Variants in EMB observed in about 807,000 individuals in gnomAD.
EMB encodes the protein embigin.
EMB carries 31 observed loss-of-function variants against 41.4 expected under a neutral mutation model. The observed-to-expected ratio is 0.75, with a 90% confidence interval of 0.56 to 1.01. The LOEUF is 1.01. EMB is among the 50% of genes least tolerant of loss of function. The probability of loss-of-function intolerance (pLI) is 0.00; values close to 1 mark genes in which losing one functional copy is unlikely to be tolerated. For synonymous variants in EMB, 137 were observed against 140.4 expected (o/e 0.98, Z 0.17); for missense variants, 379 against 388.3 (o/e 0.98, Z 0.20).
At chr5:50,422,744 G>A (rs1029815563) in intron 2 of EMB, among the ~76,000 whole-genome samples, 12 of 152,040 alleles carry the variant, frequency 7.9e-5, no homozygotes, top group African/African-American at 1.7e-4. Context: ...AAAAATATTC[G>A]CAACTTCTAT....
chr5:50,404,845 G>T (rs2111776457), intron 5 of EMB, among the ~76,000 whole-genome samples: 1 of 152,044 alleles, frequency 6.6e-6, no homozygotes, highest in Middle Eastern at 3.4e-3. Flanking sequence ...TGTTAGCACA[G>T]AATAAGTCAC....
intron 1 of EMB, among the ~76,000 whole-genome samples, chr5:50,431,246 T>C (rs895988717): frequency 5.3e-5 from 8 of 152,158 alleles, no homozygotes; most frequent in Non-Finnish European, 1.0e-4. Context: ...AGAAATGCCT[T>C]AAGTGGAAAA....
At chr5:50,419,236 T>C (rs1370961261) in intron 2 of EMB, among the ~76,000 whole-genome samples, 2 of 152,150 alleles carry the variant, frequency 1.3e-5, no homozygotes, top group African/African-American at 4.8e-5. Context: ...CCATCTCTTC[T>C]ACATTTACAA....
intron 2 of EMB, among the ~76,000 whole-genome samples, chr5:50,423,778 G>A (rs1443502759): frequency 6.6e-6 from 1 of 152,158 alleles, no homozygotes; most frequent in Non-Finnish European, 1.5e-5. Flanking sequence ...CTGTGTTGAG[G>A]ACAGGCCCAC....
At chr5:50,422,856 C>G (rs886774831) in intron 2 of EMB, among the ~76,000 whole-genome samples, 10 of 152,032 alleles carry the variant, frequency 6.6e-5, no homozygotes, top group African/African-American at 2.4e-4. Flanking sequence ...AAGGGGCCAA[C>G]TGTCAAGATG....
chr5:50,433,069 C>T (rs1745747933), intron 1 of EMB, among the ~76,000 whole-genome samples: 1 of 151,666 alleles, frequency 6.6e-6, no homozygotes, highest in African/African-American at 2.4e-5. Context: ...CAGAGTGAGA[C>T]TCTGTCTCCA....
chr5:50,417,947 ACT>A (rs563140888), intron 2 of EMB, among the ~76,000 whole-genome samples: 44 of 152,202 alleles, frequency 2.9e-4, no homozygotes, highest in Non-Finnish European at 6.0e-4. Context: ...CCTATCAGTC[ACT>A]GTTTTCCTCC....
At chr5:50,434,212 A>G (rs1455478331) in intron 1 of EMB, among the ~76,000 whole-genome samples, 1 of 152,222 alleles carries the variant, frequency 6.6e-6, no homozygotes, top group Non-Finnish European at 1.5e-5. Context: ...TAAACATTTT[A>G]GGATAACAGC....
At chr5:50,411,408 T>G (rs1399778219) in intron 2 of EMB, 25 bp from the exon 3 acceptor site, 1 of 1,513,656 alleles carries the variant, frequency 6.6e-7, no homozygotes, top group Non-Finnish European at 8.9e-7. Flanking sequence ...GAGGACAAAA[T>G]GTGAAAGTTA....
At chr5:50,400,426 G>A (rs182808160) in intron 7 of EMB, among the ~76,000 whole-genome samples, 2 of 151,992 alleles carry the variant, frequency 1.3e-5, no homozygotes, top group Admixed American at 1.3e-4. Context: ...GCCCTTCAAG[G>A]TCTTGGGGGC....
chr5:50,425,914 C>A (rs186854438), intron 2 of EMB, among the ~76,000 whole-genome samples: 1 of 152,032 alleles, frequency 6.6e-6, no homozygotes, highest in African/African-American at 2.4e-5. Context: ...GAACTCCTGG[C>A]CTCAGGTGAT....
chr5:50,406,783 G>C (rs1745256625), intron 4 of EMB, among the ~76,000 whole-genome samples: 1 of 151,936 alleles, frequency 6.6e-6, no homozygotes, highest in Admixed American at 6.6e-5. Context: ...GCGTGTGTTT[G>C]TCTGTTTACT....
intron 4 of EMB, among the ~76,000 whole-genome samples, chr5:50,408,317 C>T (rs1745280390): frequency 6.6e-6 from 1 of 151,956 alleles, no homozygotes. Context: ...CTGAGAAACA[C>T]TATAGACCAT....
chr5:50,413,787 A>T (rs1745383562), intron 2 of EMB, among the ~76,000 whole-genome samples: 1 of 152,078 alleles, frequency 6.6e-6, no homozygotes, highest in Non-Finnish European at 1.5e-5. Flanking sequence ...CATGTTGGCC[A>T]GGCTAGTCTC....
In EMB at chr5:50,403,386, C is replaced by A. The variant is rs759107053; in HGVS notation, c.669G>T (p.Lys223Asn). Residue 223 changes from lysine (K) to asparagine (N), a missense_variant, in exon 6 of 9, where the codon AAG becomes AAT. Transcript: ENST00000303221. ...CATCTTCCTCCAAAAGTTGTGTTAT[C>A]TTCAGCTTTGTTTCGTTAGCATATG... ...NGTYANETKL[K>N]ITQLLEEDGE... The A allele has an allele frequency of 6.2e-7, 1 of 1,612,636 alleles. No individual in the cohort carries two copies. The highest frequency in any genetic ancestry group is 2.2e-5 in the East Asian group (1 of 44,832).
chr5:50,430,001 TCTCTCA>T (rs1436967557), intron 1 of EMB, among the ~76,000 whole-genome samples: 12 of 124,928 alleles, frequency 9.6e-5, no homozygotes, highest in Admixed American at 2.4e-4. Flanking sequence ...TCTCTCTCTC[TCTCTCA>T]CACACACACA....
At chr5:50,443,336 G>A (rs935708250), upstream of EMB, 8 of 152,164 alleles carry the variant, frequency 5.3e-5, no homozygotes, top group Non-Finnish European at 8.8e-5. Flanking sequence ...AAGAAATTGG[G>A]GATTGGCTTA....
At chr5:50,415,889 CGAT>C (rs1440634746) in intron 2 of EMB, among the ~76,000 whole-genome samples, 1 of 152,084 alleles carries the variant, frequency 6.6e-6, no homozygotes, top group Non-Finnish European at 1.5e-5. Context: ...AATATGAATG[CGAT>C]GATAAAATGA....
intron 1 of EMB, among the ~76,000 whole-genome samples, chr5:50,436,372 T>C (rs1327594435): frequency 6.6e-6 from 1 of 152,150 alleles, no homozygotes; most frequent in African/African-American, 2.4e-5. Context: ...CATTCTTCTC[T>C]AGTGAAAAAC....
Sources: gnomAD v4.1 joint callset for allele counts (sites outside exome capture counted in the v4.1 genomes callset) on GRCh38, gnomAD v4.1.1 for gene constraint, MANE v1.5 for transcripts, NCBI Gene and HGNC (gene_info 2026-07-23, HGNC 2026-07-21) for gene names.